ACAP3: variants seen among roughly 807,000 people sequenced by gnomAD.
The protein encoded by ACAP3 is arf-GAP with coiled-coil, ANK repeat and PH domain-containing protein 3.
A neutral mutation model predicts 104.1 loss-of-function variants in ACAP3; 56 were observed. That is an observed-to-expected ratio of 0.54 (90% CI 0.43 to 0.67). The LOEUF is 0.67. Ranked by LOEUF, ACAP3 falls within the 30% of genes least tolerant of loss-of-function variation. The pLI, the probability that ACAP3 is intolerant of heterozygous loss-of-function variation, is 0.00. For synonymous variants in ACAP3, 628 were observed against 496.2 expected (o/e 1.27, Z -3.53); for missense variants, 1,208 against 1,174.9 (o/e 1.03, Z -0.41).
chr1:1,294,095 G>A lies in ACAP3; in HGVS notation c.2244C>T (p.Arg748=), dbSNP rs1239578939. The part of the protein sequence containing the change: ...APLHHATLLG[R]TGQVCLFLKR... The stretch of plus-strand genomic sequence containing the variant: ...GCGTGGGTTGCGCGTCTCACCCGGT[G>A]CGGCCCAGCAGCGTGGCGTGGTGCA... The change falls in exon 22 of 24, where the codon CGC becomes CGT. Residue 748 remains arginine, a synonymous_variant. Transcript: ENST00000354700. 6.4e-7 allele frequency: 1 copy of A among 1,571,774 alleles called. No homozygotes were observed. The highest frequency in any genetic ancestry group is 2.3e-5 in the East Asian group (1 of 42,792).
In ACAP3 at chr1:1,293,373, G is replaced by A. The variant is rs1640926293; in HGVS notation, c.*191C>T. On this transcript the variant is annotated 3_prime_UTR_variant, in exon 24 of 24. Coordinates refer to ENST00000354700, the MANE Select transcript of ACAP3 (RefSeq NM_030649.3). ...GCAGCACCCCCCCAGGGAAACGTGA[G>A]GCTTCAAGAGACTCAGTGTGGGGCC... The A allele has an allele frequency of 2.1e-6, 1 of 468,240 alleles. No individual in the cohort carries two copies. The highest frequency in any genetic ancestry group is 2.1e-5 in the African/African-American group (1 of 47,554). The allele number at this position is 468,240 out of a possible 1,614,324, so 29.0% of individuals were successfully genotyped here.
rs1203573004 is a variant in ACAP3, at chr1:1,296,111, T to C, written c.1408-2A>G. 1 of 1,612,704 alleles carries C rather than the reference T, an allele frequency of 6.2e-7. No individual in the cohort carries two copies. Among genetic ancestry groups the C allele is most frequent in the Non-Finnish European group, 8.5e-7 (1 of 1,179,934 alleles). On this transcript the variant is annotated splice_acceptor_variant, in intron 16 of 23. Coordinates refer to ENST00000354700, the MANE Select transcript of ACAP3 (RefSeq NM_030649.3). LOFTEE classifies it high-confidence loss of function. The stretch of plus-strand genomic sequence containing the variant: ...GCTGTTTCCAAGCTCACACATCAGC[T>C]AGCGGGAGACAGGGCGAGCAGGCAT...
chr1:1,294,912 G>A, intron 19 of ACAP3, 96 bp from the exon 20 acceptor site: 1 of 1,272,052 alleles, frequency 7.9e-7, no homozygotes, highest in Non-Finnish European at 1.1e-6. Flanking sequence ...CCCTCCAGGG[G>A]CCACCCCTAG....
At position 1,299,076 on chromosome 1, in the gene ACAP3, C is replaced by T. The variant is rs548028765; in HGVS notation, c.750+269G>A. On this transcript the variant is annotated intron_variant, in intron 10 of 23. Coordinates refer to ENST00000354700, the MANE Select transcript of ACAP3 (RefSeq NM_030649.3). ...GAGTCACTGAGGGCCCTGTGTGTCC[C>T]GCCATCTGGCAGGCCAGGGAAGCAG... 11 of 574,628 alleles carry T rather than the reference C, an allele frequency of 1.9e-5. No individual in the cohort carries two copies. The East Asian group carries it at 2.8e-4, about 15-fold the overall frequency. The allele number at this position is 574,628 out of a possible 1,614,324, so 35.6% of individuals were successfully genotyped here.
Position 1,303,306 on chromosome 1 carries a change from G to A in ACAP3, c.106-25C>T, listed in dbSNP as rs779708497. 16 of 1,555,226 alleles carry A rather than the reference G, an allele frequency of 1.0e-5. No homozygotes were observed. Among genetic ancestry groups the A allele is most frequent in the Non-Finnish European group, 1.2e-5 (14 of 1,150,560 alleles). On this transcript the variant is annotated intron_variant, in intron 2 of 23. Transcript: ENST00000354700. This position sits in a 1 kb window ranked among gnomAD's most constrained non-coding sequence, Gnocchi z 4.0. The stretch of plus-strand genomic sequence containing the variant: ...GCTGTGGGCCAGCGGGGCGTGGTGA[G>A]CACAGTGGGCACTGGCGCCTGCACT...
intron 11 of ACAP3, 55 bp downstream of exon 11, chr1:1,298,512 T>A: frequency 3.2e-6 from 1 of 312,606 alleles, no homozygotes; most frequent in Non-Finnish European, 5.1e-6. Context: ...CACCCCCGCC[T>A]GAGGACCCCA....
chr1:1,300,768 T>C, intron 5 of ACAP3, 76 bp from the exon 6 acceptor site: 2 of 1,496,982 alleles, frequency 1.3e-6, no homozygotes, highest in Non-Finnish European at 1.8e-6. Context: ...CACATCGTTG[T>C]TTGTGTGTTT....
chr1:1,307,533 G>T, intron 1 of ACAP3: 1 of 1,083,970 alleles, frequency 9.2e-7, no homozygotes, highest in Admixed American at 3.2e-5. Flanking sequence ...AGGTGCCCAC[G>T]GCTGCCCACG....
intron 23 of ACAP3, 55 bp from the exon 24 acceptor site, chr1:1,293,763 T>TGGAGGCCCCGCCCCTGCCCC: frequency 1.3e-6 from 2 of 1,486,918 alleles, no homozygotes; most frequent in South Asian, 1.3e-5. Context: ...GCCCCTGCCC[T>TGGAGGCCCCGCCCCTGCCCC]GGAGGCCCCG....
intron 4 of ACAP3, 81 bp downstream of exon 4, chr1:1,302,841 C>T (rs1035902613): frequency 7.5e-6 from 8 of 1,065,902 alleles, no homozygotes; most frequent in African/African-American, 6.6e-5. Flanking sequence ...CCCCCCAACC[C>T]GACGCCGGCC....
In ACAP3 at chr1:1,304,071, A is replaced by G; in HGVS notation, c.105+15T>C. On this transcript the variant is annotated intron_variant, in intron 2 of 23. Coordinates refer to ENST00000354700, the MANE Select transcript of ACAP3 (RefSeq NM_030649.3). ...AGCTTGGCCGGGCACAGGGCGCTCC[A>G]GGCCCGCCCTTCACCTTGTCCAGTT... is the stretch of plus-strand genomic sequence containing the variant. 6.4e-7 allele frequency: 1 copy of G among 1,550,482 alleles called. No individual in the cohort carries two copies. The highest frequency in any genetic ancestry group is 2.4e-5 in the East Asian group (1 of 40,928).
At chr1:1,307,243 A>ACC in intron 1 of ACAP3, 1 of 1,278,320 alleles carries the variant, frequency 7.8e-7, no homozygotes, top group Non-Finnish European at 1.0e-6. Flanking sequence ...CACAACCCCT[A>ACC]CCCCCTACCT....
chr1:1,296,027 G>A lies in ACAP3; in HGVS notation c.1490C>T (p.Ala497Val). 6.2e-7 allele frequency: 1 copy of A among 1,612,808 alleles called. No homozygotes were observed. The highest frequency in any genetic ancestry group is 1.1e-5 in the South Asian group (1 of 91,086). ...CEGAGSRKPT[A>V]SSSRQDKEAW... ...TACCCCACCTCACCGGGAGCTGCTGGCTGTGGGTTTCCTGCTGCCTGCACC... is the reference window on the plus strand; with the variant it reads ...TACCCCACCTCACCGGGAGCTGCTGACTGTGGGTTTCCTGCTGCCTGCACC... Residue 497 changes from alanine (A) to valine (V), a missense_variant, in exon 17 of 24, where the codon GCC (alanine) becomes GTC (valine). Ala to Val is a moderately conservative substitution (Grantham distance 64). Coordinates refer to ENST00000354700, the MANE Select transcript of ACAP3 (RefSeq NM_030649.3).
chr1:1,294,549 G>C lies in ACAP3; in HGVS notation c.1992C>G (p.Arg664=), dbSNP rs1453912462. ...EAEAWGLADV[R]ELHPGLLAHR... is the part of the protein sequence containing the mutation. ...GCGCCAAGAGCCCCGGGTGCAGCTCGCGCACGTCCGCCAGGCCCCAGGCCT... is the reference window on the plus strand; with the variant it reads ...GCGCCAAGAGCCCCGGGTGCAGCTCCCGCACGTCCGCCAGGCCCCAGGCCT... Residue 664 remains arginine (R), a synonymous_variant, in exon 21 of 24, where the codon CGC becomes CGG. Coordinates refer to ENST00000354700, the MANE Select transcript of ACAP3 (RefSeq NM_030649.3). 7 of 1,498,794 alleles carry C rather than the reference G, an allele frequency of 4.7e-6. No homozygotes were observed. The highest frequency in any genetic ancestry group is 6.2e-6 in the Non-Finnish European group (7 of 1,133,660). The allele number at this position is 1,498,794 out of a possible 1,614,324, so 92.8% of individuals were successfully genotyped here.
chr1:1,298,321 A>G, intron 12 of ACAP3, 49 bp downstream of exon 12: 1 of 1,603,618 alleles, frequency 6.2e-7, no homozygotes, highest in Non-Finnish European at 8.5e-7. Flanking sequence ...CCTGTGGCCC[A>G]GGTGGGGCGT....
At chr1:1,305,982 G>A (rs1211920742) in intron 1 of ACAP3, 1 of 152,280 alleles carries the variant, frequency 6.6e-6, no homozygotes, top group African/African-American at 2.4e-5. Context: ...CGGTAGGCCA[G>A]GAAACTCAAG....
At chr1:1,307,595 C>A (rs1263661784) in intron 1 of ACAP3, among the ~76,000 whole-genome samples, 174 bp downstream of exon 1, 5 of 152,156 alleles carry the variant, frequency 3.3e-5, no homozygotes, top group African/African-American at 1.2e-4. Flanking sequence ...TCTTTTGTTC[C>A]AACCCCCGGG....
At chr1:1,305,657 AG>A (rs1641659540) in intron 1 of ACAP3, 1 of 152,314 alleles carries the variant, frequency 6.6e-6, no homozygotes, top group African/African-American at 2.4e-5. Flanking sequence ...CTGGGGACCT[AG>A]GCCTCCTCTG....
intron 1 of ACAP3, chr1:1,307,507 G>A (rs2100508046): frequency 1.7e-6 from 2 of 1,211,438 alleles, no homozygotes; most frequent in Non-Finnish European, 2.2e-6. Context: ...ACACAGAGCG[G>A]GGGCGGACGG....
Sources: allele counts gnomAD v4.1 joint callset (sites outside exome capture counted in the v4.1 genomes callset), GRCh38; gene constraint gnomAD v4.1.1; non-coding constraint Gnocchi (gnomAD v3.1); transcripts MANE v1.5; gene names NCBI Gene and HGNC (gene_info 2026-07-23, HGNC 2026-07-21).